The following ACTR3C variants were observed in gnomAD, a reference collection of about 807,000 sequenced individuals.
The protein encoded by ACTR3C is actin-related protein 3C.
Under a neutral mutation model 26.3 loss-of-function variants are expected in ACTR3C, and 18 were observed. That is an observed-to-expected ratio of 0.68 (90% CI 0.47 to 1.01). The LOEUF (loss-of-function observed/expected upper bound fraction) is 1.01, where lower values mean the gene tolerates loss of function less well. ACTR3C is among the 50% of genes least tolerant of loss of function. The pLI is 0.00. For missense variants in ACTR3C, 184 were observed against 250.7 expected (o/e 0.73, Z 1.80); for synonymous variants, 55 against 94.5 (o/e 0.58, Z 2.42).
the ACTR3C span, among the ~76,000 whole-genome samples, chr7:150,051,121 A>C: frequency 0.013 from 1,834 of 140,704 alleles, 12 homozygotes; most frequent in African/African-American, 0.046. Context: ...TAAATAAATA[A>C]ATGTTCTATA....
intron 6 of ACTR3C, among the ~76,000 whole-genome samples, chr7:150,281,163 G>T (rs1380432131): frequency 2.6e-5 from 4 of 152,066 alleles, no homozygotes; most frequent in Non-Finnish European, 4.4e-5. Flanking sequence ...GAGTGACCCA[G>T]CAGGTTGGAA....
chr7:150,039,249 G>T, the ACTR3C span, among the ~76,000 whole-genome samples: 114 of 149,456 alleles, frequency 7.6e-4, no homozygotes, highest in Admixed American at 1.3e-3. Context: ...ACCAGGGGCT[G>T]GCTCTCAATC....
At chr7:150,153,252 C>G in the ACTR3C span, among the ~76,000 whole-genome samples, 1 of 152,062 alleles carries the variant, frequency 6.6e-6, no homozygotes, top group Non-Finnish European at 1.5e-5. Flanking sequence ...AGCTTCTGCA[C>G]AGCAAAAGAA....
At chr7:150,225,047 TTGCC>T in the ACTR3C span, among the ~76,000 whole-genome samples, 2 of 118,316 alleles carry the variant, frequency 1.7e-5, no homozygotes, top group Non-Finnish European at 3.6e-5. Flanking sequence ...GTGTGTGTGT[TTGCC>T]TGCACGAGCA....
intron 1 of ACTR3C, among the ~76,000 whole-genome samples, chr7:150,319,598 G>A (rs1008568164): frequency 1.3e-5 from 2 of 152,240 alleles, no homozygotes; most frequent in African/African-American, 2.4e-5. Context: ...GGCAAATTCA[G>A]GTGCCTTTGA....
At chr7:149,979,341 C>T in the ACTR3C span, among the ~76,000 whole-genome samples, 1 of 152,288 alleles carries the variant, frequency 6.6e-6, no homozygotes, top group South Asian at 2.1e-4. Flanking sequence ...CAGGACTAAA[C>T]ATTCTTTAAA....
chr7:150,005,845 A>T, the ACTR3C span, among the ~76,000 whole-genome samples: 1 of 152,190 alleles, frequency 6.6e-6, no homozygotes, highest in Non-Finnish European at 1.5e-5. Context: ...TTTTCTTCCT[A>T]CAAGGAGGGC....
chr7:150,078,275 C>CCT, the ACTR3C span, among the ~76,000 whole-genome samples: 1 of 148,298 alleles, frequency 6.7e-6, no homozygotes, highest in Admixed American at 6.7e-5. Flanking sequence ...GTCCCCTACT[C>CCT]TCCACTCAGC....
At chr7:150,178,436 C>G in the ACTR3C span, among the ~76,000 whole-genome samples, 10 of 150,210 alleles carry the variant, frequency 6.7e-5, no homozygotes, top group Non-Finnish European at 1.5e-4. Context: ...GCATCTACCA[C>G]CATGCCCGGC....
chr7:149,907,429 C>T, the ACTR3C span, among the ~76,000 whole-genome samples: 10 of 146,776 alleles, frequency 6.8e-5, no homozygotes, highest in South Asian at 2.3e-4. Context: ...CACTTCTGCC[C>T]GAACATCTTC....
chr7:149,953,634 T>C, the ACTR3C span, among the ~76,000 whole-genome samples: 22 of 152,230 alleles, frequency 1.4e-4, no homozygotes, highest in Non-Finnish European at 2.6e-4. Flanking sequence ...AAGACTTATC[T>C]GGCAATCCGC....
chr7:150,070,376 C>T, the ACTR3C span, among the ~76,000 whole-genome samples: 7 of 152,182 alleles, frequency 4.6e-5, no homozygotes, highest in Admixed American at 4.6e-4. Flanking sequence ...TAGGTGAAAT[C>T]AGTTTGGAAG....
intron 6 of ACTR3C, among the ~76,000 whole-genome samples, chr7:150,280,054 C>T (rs1163020397): frequency 2.6e-5 from 4 of 152,170 alleles, no homozygotes; most frequent in African/African-American, 9.7e-5. Flanking sequence ...TCAAGTAAAG[C>T]GTGCAAGTTA....
At chr7:149,994,188 T>G in the ACTR3C span, among the ~76,000 whole-genome samples, 1 of 152,070 alleles carries the variant, frequency 6.6e-6, no homozygotes, top group Non-Finnish European at 1.5e-5. Flanking sequence ...GTATGAAATG[T>G]TTTTCACACT....
chr7:149,983,449 G>GTGTGTGTATATATATATA, the ACTR3C span, among the ~76,000 whole-genome samples: 2 of 23,320 alleles, frequency 8.6e-5, no homozygotes, highest in Non-Finnish European at 1.6e-4. Flanking sequence ...GTGTGTGTGT[G>GTGTGTGTATATATATATA]TATATATATA....
Position 150,323,452 on chromosome 7 carries a change from G to A in ACTR3C, c.-52+17C>T, listed in dbSNP as rs1797784414. The A allele has an allele frequency of 8.4e-6, 3 of 357,524 alleles. No individual in the cohort carries two copies. Among genetic ancestry groups the A allele is most frequent in the South Asian group, 2.0e-5 (1 of 50,666 alleles). 22.1% of individuals were successfully genotyped at this position (357,524 alleles called of 1,614,324 possible). A position where few individuals can be genotyped will look rare whatever the true frequency, so the allele number is the denominator to read the frequency against. ...CAGGGGCCGCCAGGCGGCGGGCGGC[G>A]GGGCTGCGGCTCTTACCTGCCGAGG... On this transcript the variant is annotated intron_variant, in intron 1 of 7. Transcript: ENST00000683684.
intron 1 of ACTR3C, among the ~76,000 whole-genome samples, chr7:150,320,098 G>A (rs1483144231): frequency 5.9e-5 from 9 of 152,236 alleles, no homozygotes; most frequent in Non-Finnish European, 1.2e-4. Context: ...TGAGCCCATA[G>A]TGTGGATCCC....
chr7:149,997,137 G>A, the ACTR3C span, among the ~76,000 whole-genome samples: 12 of 147,118 alleles, frequency 8.2e-5, no homozygotes, highest in Admixed American at 2.0e-4. Context: ...GATGGACTTC[G>A]TCATGCTCTT....
At chr7:150,138,328 G>A in the ACTR3C span, among the ~76,000 whole-genome samples, 3,869 of 152,258 alleles carry the variant, frequency 0.025, 182 homozygotes, top group African/African-American at 0.088. Flanking sequence ...TATTACCACA[G>A]GAACGAAGGA....
Sources: gnomAD v4.1 joint callset for allele counts (sites outside exome capture counted in the v4.1 genomes callset) on GRCh38, gnomAD v4.1.1 for gene constraint, MANE v1.5 for transcripts, NCBI Gene and HGNC (gene_info 2026-07-23, HGNC 2026-07-21) for gene names.